LUZP1: variants seen among roughly 807,000 people sequenced by gnomAD.
LUZP1 encodes the protein filamin mechanobinding actin cross-linking protein.
In LUZP1, 25 loss-of-function variants were observed where a neutral mutation model predicts 71.3. The observed-to-expected ratio is 0.35, with a 90% CI of 0.26 to 0.49. The LOEUF is 0.49. Among genes scored for constraint, LUZP1 ranks in the 20% least tolerant of loss-of-function variants. The pLI, the probability that LUZP1 is intolerant of heterozygous loss-of-function variation, is 0.99. For missense variants in LUZP1, 1,142 were observed against 1,300.8 expected, an observed-to-expected ratio of 0.88 and a Z score of 1.88; for synonymous variants, 481 against 506.4, an observed-to-expected ratio of 0.95 and a Z score of 0.67.
chr1:23,110,631 C>A (rs893264894), intron 2 of LUZP1, among the ~76,000 whole-genome samples: 1 of 98,926 alleles, frequency 1.0e-5, no homozygotes, highest in Non-Finnish European at 2.2e-5. Context: ...TGAACGCGCA[C>A]ACATACACAC....
intron 4 of LUZP1, among the ~76,000 whole-genome samples, chr1:23,089,592 G>A: frequency 9.8e-6 from 1 of 101,844 alleles, no homozygotes; most frequent in East Asian, 3.2e-4. Flanking sequence ...CCTACGCCTA[G>A]AATTCTACCT....
At chr1:23,171,410 G>T (rs1415679430) in intron 1 of LUZP1, among the ~76,000 whole-genome samples, 1 of 152,216 alleles carries the variant, frequency 6.6e-6, no homozygotes, top group Non-Finnish European at 1.5e-5. Context: ...TGGGGTCAGC[G>T]TGTAGTTCTC....
intron 2 of LUZP1, among the ~76,000 whole-genome samples, chr1:23,126,586 T>A (rs1320912300): frequency 1.3e-5 from 2 of 152,216 alleles, no homozygotes; most frequent in Non-Finnish European, 2.9e-5. Flanking sequence ...ACTACCACTA[T>A]ATTCCTAGAA....
exon 2 of LUZP1, chr1:23,168,809 CGCT>C (rs949907399): frequency 2.0e-5 from 3 of 152,890 alleles, no homozygotes; most frequent in Non-Finnish European, 4.4e-5. Flanking sequence ...AGGGTTCCGC[CGCT>C]CAGCTGCCAG....
intron 2 of LUZP1, among the ~76,000 whole-genome samples, chr1:23,138,201 T>C (rs1644269822): frequency 6.6e-6 from 1 of 152,130 alleles, no homozygotes; most frequent in African/African-American, 2.4e-5. Context: ...CTCGAACTCC[T>C]GAGCTCAGGC....
intron 2 of LUZP1, among the ~76,000 whole-genome samples, chr1:23,109,915 G>T (rs556758132): frequency 6.6e-6 from 1 of 152,258 alleles, no homozygotes; most frequent in East Asian, 1.9e-4. Context: ...TAGCAGAAAA[G>T]CAAGGATTCT....
chr1:23,177,032 C>T (rs1168196167), intron 1 of LUZP1, among the ~76,000 whole-genome samples: 3 of 151,350 alleles, frequency 2.0e-5, no homozygotes, highest in Non-Finnish European at 4.4e-5. Context: ...GAAGCGTGTG[C>T]CACCACGTCC....
At chr1:23,171,117 T>TATAA (rs1557702539) in intron 1 of LUZP1, among the ~76,000 whole-genome samples, 1 of 136,174 alleles carries the variant, frequency 7.3e-6, no homozygotes, top group Non-Finnish European at 1.5e-5. Flanking sequence ...TATATATATA[T>TATAA]AATTACTGTA....
intron 1 of LUZP1, among the ~76,000 whole-genome samples, chr1:23,175,302 C>T (rs1425446750): frequency 6.6e-6 from 1 of 152,210 alleles, no homozygotes; most frequent in Non-Finnish European, 1.5e-5. Flanking sequence ...TTGAACTCTT[C>T]TCAGCAGCAG....
At chr1:23,107,670 C>T (rs2124634400) in intron 3 of LUZP1, among the ~76,000 whole-genome samples, 1 of 152,240 alleles carries the variant, frequency 6.6e-6, no homozygotes, top group Non-Finnish European at 1.5e-5. Context: ...GGCGTGGTGG[C>T]ACACACCTGT....
intron 2 of LUZP1, among the ~76,000 whole-genome samples, chr1:23,166,927 G>A (rs1205170112): frequency 6.6e-6 from 1 of 152,104 alleles, no homozygotes; most frequent in Non-Finnish European, 1.5e-5. Context: ...TCCCTTCCCA[G>A]CTCACTATTT....
At chr1:23,123,335 T>C (rs1644145184) in intron 2 of LUZP1, among the ~76,000 whole-genome samples, 1 of 151,752 alleles carries the variant, frequency 6.6e-6, no homozygotes, top group African/African-American at 2.4e-5. Context: ...CTACTAAAAA[T>C]ACAAAAATTA....
At chr1:23,117,290 C>T (rs577379828) in intron 2 of LUZP1, among the ~76,000 whole-genome samples, 1 of 152,222 alleles carries the variant, frequency 6.6e-6, no homozygotes, top group South Asian at 2.1e-4. Context: ...ACCTCAGTTT[C>T]CACAACTGTA....
chr1:23,158,067 A>C (rs1439474905), intron 2 of LUZP1, among the ~76,000 whole-genome samples: 1 of 152,172 alleles, frequency 6.6e-6, no homozygotes, highest in South Asian at 2.1e-4. Flanking sequence ...TGACTATGAA[A>C]CTACATAGTA....
chr1:23,170,462 C>CTTTTTTTTTTTTTTTTT, intron 1 of LUZP1, among the ~76,000 whole-genome samples: 1 of 127,444 alleles, frequency 7.8e-6, no homozygotes, highest in Non-Finnish European at 1.7e-5. Context: ...CTTTTTCTTT[C>CTTTTTTTTTTTTTTTTT]TTTTTTTTTT....
intron 1 of LUZP1, among the ~76,000 whole-genome samples, chr1:23,177,182 T>C (rs968650553): frequency 5.3e-5 from 8 of 152,282 alleles, no homozygotes; most frequent in South Asian, 2.1e-4. Flanking sequence ...TGAGCCACCA[T>C]GCCCTGCAGA....
At chr1:23,113,065 A>C (rs1215214485) in intron 2 of LUZP1, among the ~76,000 whole-genome samples, 1 of 152,258 alleles carries the variant, frequency 6.6e-6, no homozygotes, top group Non-Finnish European at 1.5e-5. Context: ...CAACATTCAC[A>C]GTGTGAAGAA....
intron 2 of LUZP1, among the ~76,000 whole-genome samples, chr1:23,154,718 T>TTTTC (rs1336805016): frequency 1.3e-5 from 2 of 149,738 alleles, no homozygotes; most frequent in African/African-American, 4.9e-5. Flanking sequence ...AATTTTTTTT[T>TTTTC]TTTTTTTTTG....
chr1:23,092,469 T>G lies in LUZP1; in HGVS notation c.1793A>C (p.Lys598Thr), dbSNP rs773878637. ...AGGATACTTCGATAGAACAGGAGCC[T>G]TGGAATTCGGGCAACTGTTATCAGC... is the stretch of plus-strand genomic sequence containing the variant. The change falls in exon 4 of 5, where the codon AAG becomes ACG. Residue 598 changes from lysine (K) to threonine (T), a missense_variant. Physicochemically the swap from Lys to Thr is moderately conservative, Grantham distance 78. Transcript: ENST00000302291. 9.2e-5 allele frequency: 148 copies of G among 1,614,104 alleles called. No homozygotes were observed. The highest frequency in any genetic ancestry group is 1.8e-4 in the Admixed American group (11 of 60,012).
Sources: allele counts gnomAD v4.1 joint callset (sites outside exome capture counted in the v4.1 genomes callset), GRCh38; gene constraint gnomAD v4.1.1; transcripts MANE v1.5; gene names NCBI Gene and HGNC (gene_info 2026-07-23, HGNC 2026-07-21).